Variants in SORCS3 observed in about 807,000 individuals in gnomAD.
The protein encoded by SORCS3 is VPS10 domain-containing receptor SorCS3.
A neutral mutation model predicts 146.3 loss-of-function variants in SORCS3; 57 were observed. The ratio of observed to expected loss-of-function variants is 0.39; its 90% CI spans 0.31 to 0.49. The LOEUF (loss-of-function observed/expected upper bound fraction) is 0.49. Among genes scored for constraint, SORCS3 ranks in the 20% least tolerant of loss-of-function variants. The pLI is 0.92. For missense variants in SORCS3, 1,341 were observed against 1,575.5 expected (o/e 0.85, Z 2.52); for synonymous variants, 653 against 618.5 (o/e 1.06, Z -0.83).
chr10:104,686,907 TTCCATCTGTCAA>T (rs1325765920), intron 1 of SORCS3, among the ~76,000 whole-genome samples: 1 of 149,664 alleles, frequency 6.7e-6, no homozygotes, highest in African/African-American at 2.4e-5. Flanking sequence ...GCATCCGTCT[TTCCATCTGTCAA>T]TCCATCTATC....
chr10:104,641,805 C>T lies in SORCS3; in HGVS notation c.478C>T (p.Leu160Phe). 1 of 1,551,928 alleles carries T rather than the reference C, an allele frequency of 6.4e-7. No homozygotes were observed. Residue 160 changes from leucine to phenylalanine, a missense_variant, in exon 1 of 27, where the codon CTT becomes TTT. Coordinates refer to ENST00000369701, the MANE Select transcript of SORCS3 (RefSeq NM_014978.3). The surrounding 1 kb of genome is among the most constrained non-coding windows in gnomAD (Gnocchi z 6.4). ...CGATGGTTCCAGAGGAAGCCGTCCCCTTGCTAAGGGTTCCCGGGAGGAGGT... is the reference window on the plus strand; with the variant it reads ...CGATGGTTCCAGAGGAAGCCGTCCCTTTGCTAAGGGTTCCCGGGAGGAGGT... ...PADGSRGSRPLAKGSREEVKA... is the reference protein window; with the variant it reads ...PADGSRGSRPFAKGSREEVKA...
chr10:104,678,973 G>A (rs1247430345), intron 1 of SORCS3, among the ~76,000 whole-genome samples: 2 of 152,200 alleles, frequency 1.3e-5, no homozygotes, highest in East Asian at 1.9e-4. Flanking sequence ...CTGGAGGAGA[G>A]AAGACTTTGG....
At chr10:105,016,155 A>ATATATATATATATATATATATATATATAT (rs71482443) in intron 4 of SORCS3, among the ~76,000 whole-genome samples, 7 of 101,316 alleles carry the variant, frequency 6.9e-5, no homozygotes, top group African/African-American at 3.4e-4. Flanking sequence ...ATATATATAT[A>ATATATATATATATATATATATATATATAT]TTTTTTTTTT....
intron 11 of SORCS3, among the ~76,000 whole-genome samples, chr10:105,163,974 A>T (rs552954696): frequency 2.0e-5 from 3 of 150,996 alleles, no homozygotes; most frequent in Admixed American, 1.3e-4. Context: ...CTACTCTTCC[A>T]CTCTTTGCTT....
rs540129550 is a variant in SORCS3, at chr10:105,064,627, A to G, written c.1028+21499A>G. On this transcript the variant is annotated intron_variant, in intron 5 of 26. Transcript: ENST00000369701. The stretch of plus-strand genomic sequence containing the variant: ...GTTGCTGGTTGAAGTCCAGGAGTCC[A>G]AAGTTCAGAGATTCTGGAGTTCTGA... Among the ~76,000 whole-genome samples, 3 of 148,734 alleles carry G rather than the reference A, an allele frequency of 2.0e-5. No individual in the cohort carries two copies. In the East Asian group the frequency reaches 5.8e-4, roughly 29 times the overall value.
intron 2 of SORCS3, among the ~76,000 whole-genome samples, chr10:104,885,829 T>C (rs1365529389): frequency 3.9e-5 from 6 of 152,234 alleles, no homozygotes; most frequent in African/African-American, 1.4e-4. Flanking sequence ...TCTCTTAGCT[T>C]TCATAATCTG....
chr10:104,746,704 C>G (rs2016916035), intron 1 of SORCS3, among the ~76,000 whole-genome samples: 1 of 152,100 alleles, frequency 6.6e-6, no homozygotes, highest in South Asian at 2.1e-4. Flanking sequence ...TCATTCTACT[C>G]TCTGTTTCTA....
chr10:104,660,284 G>T (rs1401135908), intron 1 of SORCS3, among the ~76,000 whole-genome samples: 2 of 80,668 alleles, frequency 2.5e-5, no homozygotes, highest in Non-Finnish European at 5.0e-5. Context: ...TTTTAACTGA[G>T]AGTTTATTAT....
intron 5 of SORCS3, among the ~76,000 whole-genome samples, chr10:105,073,886 A>G (rs2055573041): frequency 6.6e-6 from 1 of 152,086 alleles, no homozygotes; most frequent in Non-Finnish European, 1.5e-5. Context: ...TTCAGGATGC[A>G]GTTTGATCTG....
intron 1 of SORCS3, among the ~76,000 whole-genome samples, chr10:104,806,908 C>T (rs778397688): frequency 2.6e-5 from 4 of 152,016 alleles, no homozygotes; most frequent in South Asian, 2.1e-4. Context: ...GGGTGTTTGC[C>T]GTTTTAGGGT....
At chr10:104,793,870 C>G (rs1347117642) in intron 1 of SORCS3, among the ~76,000 whole-genome samples, 1 of 152,124 alleles carries the variant, frequency 6.6e-6, no homozygotes, top group African/African-American at 2.4e-5. Context: ...TGTGGATCTA[C>G]TAGCATTTAG....
intron 4 of SORCS3, among the ~76,000 whole-genome samples, chr10:105,031,842 G>GC (rs1407475289): frequency 6.6e-6 from 1 of 152,136 alleles, no homozygotes; most frequent in African/African-American, 2.4e-5. Flanking sequence ...AGTTTCTACA[G>GC]TTTTTCCCTG....
intron 7 of SORCS3, among the ~76,000 whole-genome samples, chr10:105,134,571 A>AG (rs1442005627): frequency 1.3e-5 from 2 of 148,252 alleles, no homozygotes; most frequent in African/African-American, 4.9e-5. Flanking sequence ...AAAAAAAAAA[A>AG]GAAGCCTAGC....
chr10:105,020,223 A>G (rs118134582), intron 4 of SORCS3, among the ~76,000 whole-genome samples: 7 of 152,314 alleles, frequency 4.6e-5, no homozygotes, highest in Non-Finnish European at 7.3e-5. Context: ...TATACCTGTC[A>G]CTGGACATCC....
intron 4 of SORCS3, among the ~76,000 whole-genome samples, chr10:104,987,589 C>T (rs552346445): frequency 6.6e-6 from 1 of 152,070 alleles, no homozygotes; most frequent in Non-Finnish European, 1.5e-5. Flanking sequence ...CTCTTTTCTT[C>T]AGCGTTTTTT....
chr10:104,975,636 C>T (rs1457644882), intron 3 of SORCS3, among the ~76,000 whole-genome samples: 2 of 152,196 alleles, frequency 1.3e-5, no homozygotes, highest in Non-Finnish European at 2.9e-5. Flanking sequence ...AAGCTGGAGG[C>T]ATCACGTTAC....
In SORCS3 at chr10:105,245,627, A is replaced by G; in HGVS notation, c.2954A>G (p.Asn985Ser). 1 of 1,614,118 alleles carries G rather than the reference A, an allele frequency of 6.2e-7. No homozygotes were observed. The highest frequency in any genetic ancestry group is 1.6e-4 in the Middle Eastern group (1 of 6,062). ...DTITVQVAAGNALIQDTKEIA... is the reference protein window; with the variant it reads ...DTITVQVAAGSALIQDTKEIA... Reference sequence around the variant, plus strand: ...ATCACAGTCCAGGTGGCTGCTGGGAATGCCCTCATCCAGGACACAAAAGAG... The same window carrying G: ...ATCACAGTCCAGGTGGCTGCTGGGAGTGCCCTCATCCAGGACACAAAAGAG... Residue 985 changes from asparagine to serine, a missense_variant, in exon 21 of 27, where the codon AAT becomes AGT. By Grantham distance (46) the Asn-to-Ser change is conservative. Coordinates refer to ENST00000369701, the MANE Select transcript of SORCS3 (RefSeq NM_014978.3).
chr10:104,922,396 C>T (rs963797465), intron 3 of SORCS3, among the ~76,000 whole-genome samples: 16 of 152,128 alleles, frequency 1.1e-4, no homozygotes, highest in African/African-American at 3.9e-4. Context: ...GTGCAATTCA[C>T]CTGGGCAGAC....
intron 4 of SORCS3, among the ~76,000 whole-genome samples, chr10:105,041,048 A>G (rs1328373271): frequency 7.0e-6 from 1 of 142,900 alleles, no homozygotes; most frequent in African/African-American, 2.7e-5. Flanking sequence ...TAGCATATAT[A>G]TAAGAAATAT....
Sources: allele counts gnomAD v4.1 joint callset (sites outside exome capture counted in the v4.1 genomes callset), GRCh38; gene constraint gnomAD v4.1.1; non-coding constraint Gnocchi (gnomAD v3.1); transcripts MANE v1.5; gene names NCBI Gene and HGNC (gene_info 2026-07-23, HGNC 2026-07-21).